MACF1: variants seen among roughly 807,000 people sequenced by gnomAD.
The protein encoded by MACF1 is microtubule-actin cross-linking factor 1.
MACF1 carries 193 observed loss-of-function variants against 854.8 expected under a neutral mutation model. The observed-to-expected ratio is 0.23, with a 90% CI of 0.20 to 0.25. The LOEUF (loss-of-function observed/expected upper bound fraction) is 0.25. Ranked by LOEUF, MACF1 falls within the 10% of genes least tolerant of loss-of-function variation. MACF1 has a pLI of 1.00. For missense variants in MACF1, 7,722 were observed against 8,929.1 expected, an observed-to-expected ratio of 0.86 and a Z score of 5.45; for synonymous variants, 3,185 against 3,226.7, an observed-to-expected ratio of 0.99 and a Z score of 0.44.
intron 47 of MACF1, among the ~76,000 whole-genome samples, chr1:39,359,986 CAAAAAAAAAAAA>C (rs1178910336): frequency 2.6e-4 from 3 of 11,748 alleles, no homozygotes; most frequent in African/African-American, 1.1e-3. Flanking sequence ...GACTCCGTCT[CAAAAAAAAAAAA>C]AAAAAAAAAA....
intron 57 of MACF1, among the ~76,000 whole-genome samples, chr1:39,386,349 C>A (rs1641782726): frequency 6.6e-6 from 1 of 151,782 alleles, no homozygotes; most frequent in Non-Finnish European, 1.5e-5. Context: ...CACCCTCAAT[C>A]TCCTGGGCTC....
chr1:39,229,786 G>C (rs1360795254), intron 1 of MACF1, among the ~76,000 whole-genome samples: 2 of 152,116 alleles, frequency 1.3e-5, no homozygotes, highest in Non-Finnish European at 2.9e-5. Flanking sequence ...ACCCAGGCTG[G>C]AGTGCAGTGG....
chr1:39,324,085 T>C (rs1402053481), intron 33 of MACF1, 108 bp from the exon 34 acceptor site: 8 of 1,122,158 alleles, frequency 7.1e-6, no homozygotes, highest in Non-Finnish European at 1.0e-5. Context: ...CCCACTTATT[T>C]AGGTAACTGT....
chr1:39,452,766 T>G lies in MACF1; in HGVS notation c.20696T>G (p.Leu6899Arg). ...AEQTLRFRGALPDDTEALQSL... is the reference protein window; with the variant it reads ...AEQTLRFRGARPDDTEALQSL... ...CAAACGCTTCGCTTTCGGGGAGCAC[T>G]TCCTGATGACACAGAGGCCCTGCAG... Residue 6899 changes from leucine (L) to arginine (R), a missense_variant, in exon 87 of 101, where the codon CTT becomes CGT. Coordinates refer to ENST00000564288, the MANE Select transcript of MACF1 (RefSeq NM_001394062.1). 3 of 1,614,132 alleles carry G rather than the reference T, an allele frequency of 1.9e-6. No homozygotes were observed. Among genetic ancestry groups the G allele is most frequent in the Non-Finnish European group, 2.5e-6 (3 of 1,180,016 alleles).
rs1164958522 is a variant in MACF1 at position 39,204,958 on chromosome 1, A to G, written c.-65A>G. On this transcript the variant is annotated 5_prime_UTR_variant, in exon 1 of 101. Transcript: ENST00000564288. ...CAGGACAACAGTAACCTCAGGAGAA[A>G]GGCATCCAGAGGCCTGCGCTGAGCT... The G allele has an allele frequency of 5.7e-6, 4 of 698,574 alleles. No individual in the cohort carries two copies. The highest frequency in any genetic ancestry group is 1.5e-5 in the South Asian group (1 of 66,914). The allele number at this position is 698,574 out of a possible 1,614,324, so 43.3% of individuals were successfully genotyped here. A position where few individuals can be genotyped will look rare whatever the true frequency, so the allele number is the denominator to read the frequency against.
rs1477528926 is a variant in MACF1, at chr1:39,481,079, G to A, written c.22281+49G>A. 1.8e-5 allele frequency: 21 copies of A among 1,161,962 alleles called. No homozygotes were observed. In the Admixed American group the frequency reaches 2.8e-4, roughly 16 times the overall value. The allele number at this position is 1,161,962 out of a possible 1,614,324, so 72.0% of individuals were successfully genotyped here. On this transcript the variant is annotated intron_variant, in intron 99 of 100. Coordinates refer to ENST00000564288, the MANE Select transcript of MACF1 (RefSeq NM_001394062.1). The stretch of plus-strand genomic sequence containing the variant: ...AGGACACAGTCAAGACGAGGCCCTC[G>A]CTACTGGACTTGACCAGCTCTTCTT...
chr1:39,237,054 A>C (rs2148315854), intron 2 of MACF1, among the ~76,000 whole-genome samples: 1 of 152,350 alleles, frequency 6.6e-6, no homozygotes, highest in East Asian at 1.9e-4. Context: ...CAGCGTTTCC[A>C]ACCCACCTGT....
At position 39,424,234 on chromosome 1, in the gene MACF1, G is replaced by A. The variant is rs201916325; in HGVS notation, c.16316+40G>A. The A allele has an allele frequency of 2.3e-4, 362 of 1,566,768 alleles. 2 individuals are homozygous for A. The highest frequency in any genetic ancestry group is 2.1e-3 in the South Asian group (177 of 86,324). On this transcript the variant is annotated intron_variant, in intron 61 of 100. Coordinates refer to ENST00000564288, the MANE Select transcript of MACF1 (RefSeq NM_001394062.1). ...ATTTTGAGGAGTGGGTCAGAGGTTT[G>A]TTTTGTTCTTCTTCGACTTATTATC...
chr1:39,454,898 T>G lies in MACF1; in HGVS notation c.20887-11T>G, dbSNP rs1048947406. 3.1e-6 allele frequency: 5 copies of G among 1,604,070 alleles called. No homozygotes were observed. Among genetic ancestry groups the G allele is most frequent in the Admixed American group, 1.7e-5 (1 of 57,712 alleles). On this transcript the variant is annotated splice_polypyrimidine_tract_variant and intron_variant, in intron 88 of 100. Coordinates refer to ENST00000564288, the MANE Select transcript of MACF1 (RefSeq NM_001394062.1). ...ACTGAAAGAGGCCATGGTTTCCTTC[T>G]TTTTCCACAGGTCCTGACATGGGCT...
chr1:39,297,377 G>A (rs1035770016), intron 20 of MACF1, among the ~76,000 whole-genome samples: 3 of 152,156 alleles, frequency 2.0e-5, no homozygotes, highest in Non-Finnish European at 1.5e-5. Flanking sequence ...GATTTCTGAG[G>A]GGGTGAAACA....
At chr1:39,368,858 T>G (rs1648973646) in intron 50 of MACF1, among the ~76,000 whole-genome samples, 1 of 152,088 alleles carries the variant, frequency 6.6e-6, no homozygotes, top group Non-Finnish European at 1.5e-5. Context: ...TCCCTCTCTT[T>G]GTGATCAGAA....
At chr1:39,396,177 G>A (rs768587229) in intron 58 of MACF1, among the ~76,000 whole-genome samples, 35 of 151,950 alleles carry the variant, frequency 2.3e-4, no homozygotes, top group Non-Finnish European at 3.1e-4. Flanking sequence ...CATCTTAGCC[G>A]GGCATGGTGG....
chr1:39,182,167 A>AG (rs1161248609), intron 2 of MACF1, among the ~76,000 whole-genome samples: 1 of 150,182 alleles, frequency 6.7e-6, no homozygotes, highest in East Asian at 1.9e-4. Flanking sequence ...AAAAAAAAAA[A>AG]GAATTTAAAC....
chr1:39,457,323 T>G (rs1194254019), intron 89 of MACF1: 1 of 152,316 alleles, frequency 6.6e-6, no homozygotes, highest in Non-Finnish European at 1.5e-5. Flanking sequence ...CACCAGGGCT[T>G]GTCAGTCCCA....
intron 2 of MACF1, among the ~76,000 whole-genome samples, chr1:39,140,687 C>T (rs1258169697): frequency 2.0e-5 from 3 of 152,072 alleles, no homozygotes; most frequent in Non-Finnish European, 4.4e-5. Context: ...GAGGCTGAGG[C>T]AGGCGGATCA....
chr1:39,346,651 C>G (rs949568600), intron 40 of MACF1, among the ~76,000 whole-genome samples: 11 of 151,736 alleles, frequency 7.2e-5, no homozygotes, highest in African/African-American at 2.7e-4. Flanking sequence ...TCCCAAGTAG[C>G]TGGGACTACA....
At chr1:39,389,254 C>T (rs1641929242) in intron 58 of MACF1, among the ~76,000 whole-genome samples, 1 of 151,182 alleles carries the variant, frequency 6.6e-6, no homozygotes, top group African/African-American at 2.4e-5. Flanking sequence ...AGTCTTATCT[C>T]TTACTCTAAG....
rs866469308 is a variant in MACF1, at chr1:39,326,667, C to T, written c.4479-551C>T. On this transcript the variant is annotated intron_variant, in intron 35 of 100. Transcript: ENST00000564288. ...CTGCACTTCAACCTGGGTGACAGAG[C>T]GAGACTCCATCTCAAAAAAAAAAAA... Among the ~76,000 whole-genome samples, 6 of 106,810 alleles carry T rather than the reference C, an allele frequency of 5.6e-5. No individual in the cohort carries two copies. The East Asian group carries it at 8.6e-4, about 15-fold the overall frequency. The allele number at this position is 106,810 out of a possible 152,430, so 70.1% of individuals were successfully genotyped here. A position where few individuals can be genotyped will look rare whatever the true frequency, so the allele number is the denominator to read the frequency against.
Position 39,340,806 on chromosome 1 carries a change from T to G in MACF1, c.10434T>G (p.Thr3478=), listed in dbSNP as rs1646920324. 1 of 1,612,942 alleles carries G rather than the reference T, an allele frequency of 6.2e-7. No homozygotes were observed. The highest frequency in any genetic ancestry group is 1.3e-5 in the African/African-American group (1 of 74,886). ...HFQNAVEIEK[T]KVLNQHTQLE... ...GTGATTTTCCATTTATTTCTTAGAC[T>G]AAAGTGTTAAATCAGCACACACAGC... The change falls in exon 40 of 101, where the codon ACT becomes ACG. Residue 3478 remains threonine (T), a splice_region_variant and synonymous_variant. Coordinates refer to ENST00000564288, the MANE Select transcript of MACF1 (RefSeq NM_001394062.1).
Sources: allele counts gnomAD v4.1 joint callset (sites outside exome capture counted in the v4.1 genomes callset), GRCh38; gene constraint gnomAD v4.1.1; transcripts MANE v1.5; gene names NCBI Gene and HGNC (gene_info 2026-07-23, HGNC 2026-07-21).